The following UNC13C variants were observed in gnomAD, a reference collection of about 807,000 sequenced individuals.
UNC13C encodes the protein protein unc-13 homolog C.
Under a neutral mutation model 245.4 loss-of-function variants are expected in UNC13C, and 174 were observed. The ratio of observed to expected loss-of-function variants is 0.71; its 90% CI spans 0.63 to 0.80. The LOEUF (loss-of-function observed/expected upper bound fraction) is 0.80. Ranked by LOEUF, UNC13C falls within the 30% of genes least tolerant of loss-of-function variation. The pLI is 0.00. For synonymous variants in UNC13C, 992 were observed against 895.1 expected (o/e 1.11, Z -1.93); for missense variants, 2,829 against 2,602.9 (o/e 1.09, Z -1.89).
intron 19 of UNC13C, among the ~76,000 whole-genome samples, chr15:54,454,139 A>AT (rs753180578): frequency 0.24 from 36,315 of 149,352 alleles, 4,550 homozygotes; most frequent in African/African-American, 0.32. Flanking sequence ...ATATATATAT[A>AT]AAATACAATT....
intron 17 of UNC13C, among the ~76,000 whole-genome samples, chr15:54,376,648 G>T (rs2039613841): frequency 6.6e-6 from 1 of 152,160 alleles, no homozygotes; most frequent in African/African-American, 2.4e-5. Context: ...GTGATCCCAG[G>T]AAAGAGAAGC....
At chr15:54,281,965 A>T (rs1450835082) in intron 10 of UNC13C, among the ~76,000 whole-genome samples, 1 of 151,986 alleles carries the variant, frequency 6.6e-6, no homozygotes, top group East Asian at 1.9e-4. Context: ...AATGTTTTTG[A>T]GTTTCATTCA....
intron 4 of UNC13C, among the ~76,000 whole-genome samples, chr15:54,216,667 A>T (rs1162954010): frequency 6.6e-6 from 1 of 151,974 alleles, no homozygotes; most frequent in African/African-American, 2.4e-5. Flanking sequence ...ATGATGGGCA[A>T]TTCAACATGC....
intron 30 of UNC13C, among the ~76,000 whole-genome samples, chr15:54,614,994 C>T (rs1030060630): frequency 1.3e-5 from 2 of 151,980 alleles, no homozygotes; most frequent in Non-Finnish European, 2.9e-5. Flanking sequence ...ATTTTTGTTT[C>T]AGATGCCCTT....
At chr15:54,595,927 C>T (rs1048931558) in intron 30 of UNC13C, among the ~76,000 whole-genome samples, 1 of 151,792 alleles carries the variant, frequency 6.6e-6, no homozygotes, top group Non-Finnish European at 1.5e-5. Flanking sequence ...TAAATGATTA[C>T]ATGAAGTAGA....
intron 10 of UNC13C, among the ~76,000 whole-genome samples, chr15:54,273,063 G>A (rs571319619): frequency 1.3e-5 from 2 of 152,278 alleles, no homozygotes; most frequent in South Asian, 4.1e-4. Flanking sequence ...GGTACAAACA[G>A]CAATCTTTGT....
At chr15:53,931,315 C>T in the UNC13C span, among the ~76,000 whole-genome samples, 5 of 152,066 alleles carry the variant, frequency 3.3e-5, no homozygotes, top group African/African-American at 1.2e-4. Flanking sequence ...ATCACAGGGG[C>T]GTGCTACCAC....
intron 22 of UNC13C, among the ~76,000 whole-genome samples, chr15:54,506,899 T>C (rs560064402): frequency 1.3e-5 from 2 of 152,106 alleles, no homozygotes; most frequent in East Asian, 3.9e-4. Flanking sequence ...TTTAAGTAAT[T>C]GAAATAAAAT....
intron 4 of UNC13C, among the ~76,000 whole-genome samples, chr15:54,192,691 G>A (rs1017609973): frequency 3.3e-5 from 5 of 152,208 alleles, no homozygotes; most frequent in African/African-American, 9.6e-5. Flanking sequence ...AATGGGATCT[G>A]TAATTTCAAT....
At chr15:54,280,264 A>G (rs562343175) in intron 10 of UNC13C, among the ~76,000 whole-genome samples, 80 of 152,178 alleles carry the variant, frequency 5.3e-4, no homozygotes, top group Admixed American at 4.7e-3. Context: ...CAGTAATATA[A>G]TGAAATACAA....
At chr15:53,897,413 C>A in the UNC13C span, among the ~76,000 whole-genome samples, 1 of 152,180 alleles carries the variant, frequency 6.6e-6, no homozygotes, top group African/African-American at 2.4e-5. Flanking sequence ...ACATGGATAG[C>A]AACAATAATT....
At chr15:54,176,456 C>G (rs148908505) in intron 4 of UNC13C, among the ~76,000 whole-genome samples, 2 of 152,226 alleles carry the variant, frequency 1.3e-5, no homozygotes, top group East Asian at 3.9e-4. Context: ...CTGTAATCTA[C>G]AGTTACCTTT....
chr15:54,357,672 G>A (rs972609323), intron 17 of UNC13C, among the ~76,000 whole-genome samples: 4 of 151,982 alleles, frequency 2.6e-5, no homozygotes, highest in Admixed American at 6.6e-5. Context: ...AGGTATAAAC[G>A]TTTTAGGAGA....
chr15:53,899,553 A>G, the UNC13C span, among the ~76,000 whole-genome samples: 3 of 152,104 alleles, frequency 2.0e-5, no homozygotes. Context: ...GTCACTGTTC[A>G]CCAAAATGAG....
intron 19 of UNC13C, among the ~76,000 whole-genome samples, chr15:54,482,238 C>T (rs8023474): frequency 0.41 from 62,718 of 151,924 alleles, 13,229 homozygotes; most frequent in East Asian, 0.62. Flanking sequence ...GCTTCAGTAA[C>T]GTAAATGCAG....
chr15:54,294,073 T>C lies in UNC13C; in HGVS notation c.3988+9T>C. The C allele has an allele frequency of 1.3e-6, 2 of 1,501,528 alleles. No individual in the cohort carries two copies. Among genetic ancestry groups the C allele is most frequent in the Non-Finnish European group, 1.8e-6 (2 of 1,129,994 alleles). The allele number at this position is 1,501,528 out of a possible 1,614,324, so 93.0% of individuals were successfully genotyped here. ...TGTCTGGTACAACTTAGGTGATTTT[T>C]TTTTTTATCTACTTGAAAACGAGTT... On this transcript the variant is annotated intron_variant, in intron 11 of 32. Transcript: ENST00000260323.
chr15:54,206,751 T>A (rs1187537183), intron 4 of UNC13C, among the ~76,000 whole-genome samples: 2 of 152,124 alleles, frequency 1.3e-5, no homozygotes, highest in Non-Finnish European at 2.9e-5. Context: ...CTAATAGATA[T>A]ACTAAGAGTG....
intron 26 of UNC13C, among the ~76,000 whole-genome samples, chr15:54,542,606 G>A (rs1030532461): frequency 6.6e-6 from 1 of 152,092 alleles, no homozygotes; most frequent in African/African-American, 2.4e-5. Context: ...GGGTGTTAAA[G>A]TCTCCCACTA....
At chr15:54,502,514 AT>A (rs1312437394) in intron 22 of UNC13C, among the ~76,000 whole-genome samples, 25 of 152,164 alleles carry the variant, frequency 1.6e-4, no homozygotes, top group Non-Finnish European at 4.4e-5. Context: ...CCCTTAGATG[AT>A]TCTAATTTCC....
Sources: gnomAD v4.1 joint callset for allele counts (sites outside exome capture counted in the v4.1 genomes callset) on GRCh38, gnomAD v4.1.1 for gene constraint, MANE v1.5 for transcripts, NCBI Gene and HGNC (gene_info 2026-07-23, HGNC 2026-07-21) for gene names.